FAN1: variants seen among roughly 807,000 people sequenced by gnomAD.
The protein encoded by FAN1 is fanconi-associated nuclease 1.
Under a neutral mutation model 104.9 loss-of-function variants are expected in FAN1, and 91 were observed. That is an observed-to-expected ratio of 0.87 (90% CI 0.73 to 1.03). FAN1 has a LOEUF of 1.03. Among genes scored for constraint, FAN1 ranks in the 50% least tolerant of loss-of-function variants. The pLI, the probability that FAN1 is intolerant of heterozygous loss-of-function variation, is 0.00. For missense variants in FAN1, 1,263 were observed against 1,239.9 expected (o/e 1.02, Z -0.28); for synonymous variants, 478 against 457.6 (o/e 1.04, Z -0.57).
chr15:30,924,046 C>T, intron 8 of FAN1, among the ~76,000 whole-genome samples: 1 of 152,294 alleles, frequency 6.6e-6, no homozygotes, highest in Non-Finnish European at 1.5e-5. Context: ...CTTTTTGTGT[C>T]TGTAAATGTG....
At position 30,941,857 on chromosome 15, in the gene FAN1, GAC is replaced by G; in HGVS notation, c.*298_*299del. 3.1e-6 allele frequency: 5 copies of G among 1,614,060 alleles called. No individual in the cohort carries two copies. Among genetic ancestry groups the G allele is most frequent in the Non-Finnish European group, 4.2e-6 (5 of 1,179,914 alleles). Reference sequence around the variant, plus strand: ...TCCACAGTTTTATGTGTGTTCCAGAGACACGTGGCAGAATAACACCGTGCAGG... The same window carrying G: ...TCCACAGTTTTATGTGTGTTCCAGAGACGTGGCAGAATAACACCGTGCAGG... On this transcript the variant is annotated 3_prime_UTR_variant, in exon 15 of 15. Coordinates refer to ENST00000362065, the MANE Select transcript of FAN1 (RefSeq NM_014967.5).
chr15:30,925,761 A>G (rs2062445465), intron 9 of FAN1, 28 bp from the exon 10 acceptor site: 1 of 1,612,926 alleles, frequency 6.2e-7, no homozygotes. Flanking sequence ...ACCTGAGGCT[A>G]ATAGATGTTA....
rs369368315 is a variant in FAN1 at position 30,941,263 on chromosome 15, CAGAA to C, written c.*4-299_*4-296del. ...GTTACAAGAGCCAGACCTGTAATGA[CAGAA>C]AGAGGACAGGAACAAAATTTACATC... On this transcript the variant is annotated intron_variant, in intron 14 of 14. Coordinates refer to ENST00000362065, the MANE Select transcript of FAN1 (RefSeq NM_014967.5). The C allele has an allele frequency of 8.8e-4, 1,291 of 1,471,938 alleles. 12 individuals are homozygous for C. In the African/African-American group the frequency reaches 0.016, roughly 19 times the overall value. 91.2% of individuals were successfully genotyped at this position (1,471,938 alleles called of 1,614,324 possible).
At chr15:30,929,765 A>T (rs1179950081) in intron 12 of FAN1, among the ~76,000 whole-genome samples, 2 of 42,398 alleles carry the variant, frequency 4.7e-5, no homozygotes, top group South Asian at 8.3e-4. Flanking sequence ...ATAATATATA[A>T]AATATATAAT....
chr15:30,935,756 TTTATG>T (rs1011217489), intron 13 of FAN1, among the ~76,000 whole-genome samples: 17 of 151,886 alleles, frequency 1.1e-4, no homozygotes, highest in Non-Finnish European at 1.9e-4. Flanking sequence ...TGCAATGAAT[TTTATG>T]TTGACAGTTA....
chr15:30,918,443 G>A (rs1008439013), intron 6 of FAN1, 148 bp downstream of exon 6: 7 of 752,168 alleles, frequency 9.3e-6, no homozygotes, highest in Non-Finnish European at 1.3e-5. Context: ...GCTTTGCCTA[G>A]AATGAAAGTG....
chr15:30,935,684 T>C (rs1448717875), intron 13 of FAN1, among the ~76,000 whole-genome samples: 1 of 152,208 alleles, frequency 6.6e-6, no homozygotes, highest in African/African-American at 2.4e-5. Flanking sequence ...GGGATGGCTG[T>C]ATTTAGGTTT....
At chr15:30,920,902 G>A (rs1364931188) in intron 7 of FAN1, among the ~76,000 whole-genome samples, 1 of 152,182 alleles carries the variant, frequency 6.6e-6, no homozygotes, top group Non-Finnish European at 1.5e-5. Context: ...TCTCACCTCA[G>A]CCTCCTGAGT....
chr15:30,906,288 A>G (rs975950909), intron 2 of FAN1: 7 of 454,750 alleles, frequency 1.5e-5, no homozygotes, highest in African/African-American at 8.0e-5. Flanking sequence ...TTGTTCCTCA[A>G]AGATGAAAGT....
Position 30,905,822 on chromosome 15 carries a change from C to T in FAN1, c.1159C>T (p.Leu387Phe), listed in dbSNP as rs1595823988. The T allele has an allele frequency of 6.2e-7, 1 of 1,614,110 alleles. No individual in the cohort carries two copies. Among genetic ancestry groups the T allele is most frequent in the Non-Finnish European group, 8.5e-7 (1 of 1,179,956 alleles). Reference protein sequence around the residue: ...RSFLVVLKTVLENEDDMLLFD... With the variant: ...RSFLVVLKTVFENEDDMLLFD... ...TTTCCTTGTGGTGCTGAAAACCGTA[C>T]TTGAGAATGAAGATGATATGTTGCT... The change falls in exon 2 of 15, where the codon CTT (leucine) becomes TTT (phenylalanine). Residue 387 changes from leucine (L) to phenylalanine (F), a missense_variant. Coordinates refer to ENST00000362065, the MANE Select transcript of FAN1 (RefSeq NM_014967.5).
chr15:30,941,602 A>T lies in FAN1; in HGVS notation c.*40A>T. Reference sequence around the variant, plus strand: ...GAGAAAATGGAAATGAGGAGGAGAGAAACTCCGGTGTCCCCGAGGTGTCGG... The same window carrying T: ...GAGAAAATGGAAATGAGGAGGAGAGTAACTCCGGTGTCCCCGAGGTGTCGG... On this transcript the variant is annotated 3_prime_UTR_variant, in exon 15 of 15. Coordinates refer to ENST00000362065, the MANE Select transcript of FAN1 (RefSeq NM_014967.5). The T allele has an allele frequency of 6.2e-7, 1 of 1,600,144 alleles. No homozygotes were observed. Among genetic ancestry groups the T allele is most frequent in the Non-Finnish European group, 8.5e-7 (1 of 1,172,882 alleles).
At chr15:30,928,503 A>ATT (rs1491510717) in intron 10 of FAN1, 50 bp from the exon 11 acceptor site, 7 of 1,158,118 alleles carry the variant, frequency 6.0e-6, no homozygotes, top group Non-Finnish European at 7.9e-6. Flanking sequence ...GATAAAACAG[A>ATT]TTTTGTGTGT....
intron 13 of FAN1, among the ~76,000 whole-genome samples, 192 bp downstream of exon 13, chr15:30,930,863 C>G (rs1001699009): frequency 6.6e-6 from 1 of 152,092 alleles, no homozygotes; most frequent in African/African-American, 2.4e-5. Context: ...GAGAGGAGCC[C>G]CAGAGTGTGA....
At chr15:30,932,716 CTTTTTTTT>C (rs60673122) in intron 13 of FAN1, among the ~76,000 whole-genome samples, 1 of 134,378 alleles carries the variant, frequency 7.4e-6, no homozygotes, top group African/African-American at 2.8e-5. Flanking sequence ...TGTTTCTTTT[CTTTTTTTT>C]TTTTTTTGAG....
intron 14 of FAN1, chr15:30,940,182 T>G: frequency 5.1e-6 from 5 of 985,264 alleles, no homozygotes; most frequent in Non-Finnish European, 6.0e-6. Flanking sequence ...GAATGAGGAG[T>G]GTGGGGGAGG....
chr15:30,929,126 G>A (rs898924170), intron 11 of FAN1, 77 bp from the exon 12 acceptor site: 1 of 1,292,886 alleles, frequency 7.7e-7, no homozygotes, highest in Non-Finnish European at 1.1e-6. Flanking sequence ...TCCAAGTTTT[G>A]TATGTACTGA....
At chr15:30,911,195 C>T (rs1191824667) in intron 4 of FAN1, 2 of 1,005,342 alleles carry the variant, frequency 2.0e-6, no homozygotes, top group African/African-American at 3.4e-5. Flanking sequence ...TCTTAATGTG[C>T]AAGTTTTCCT....
At chr15:30,922,653 G>T (rs543726268) in intron 8 of FAN1, among the ~76,000 whole-genome samples, 1 of 152,316 alleles carries the variant, frequency 6.6e-6, no homozygotes, top group Non-Finnish European at 1.5e-5. Flanking sequence ...GGGAGAGTCA[G>T]ATGACTCAGC....
At chr15:30,909,134 T>C (rs972706074) in intron 3 of FAN1, among the ~76,000 whole-genome samples, 5 of 152,240 alleles carry the variant, frequency 3.3e-5, no homozygotes, top group Non-Finnish European at 1.5e-5. Flanking sequence ...TACCTATGTA[T>C]TGGGTACAAA....
Sources: gnomAD v4.1 joint callset for allele counts (sites outside exome capture counted in the v4.1 genomes callset) on GRCh38, gnomAD v4.1.1 for gene constraint, MANE v1.5 for transcripts, NCBI Gene and HGNC (gene_info 2026-07-23, HGNC 2026-07-21) for gene names.